Variants in ZNF445 observed in about 807,000 individuals in gnomAD.
ZNF445 encodes zinc finger protein 168.
A neutral mutation model predicts 93.9 loss-of-function variants in ZNF445; 19 were observed. That is an observed-to-expected ratio of 0.20 (90% CI 0.14 to 0.30). The LOEUF is 0.30. ZNF445 is among the 10% of genes least tolerant of loss of function. ZNF445 has a pLI of 1.00. For synonymous variants in ZNF445, 449 were observed against 446.3 expected, an observed-to-expected ratio of 1.01 and a Z score of -0.08; for missense variants, 1,058 against 1,259.4, an observed-to-expected ratio of 0.84 and a Z score of 2.42.
chr3:44,453,016 C>A (rs980337460), intron 3 of ZNF445, among the ~76,000 whole-genome samples: 9 of 151,042 alleles, frequency 6.0e-5, no homozygotes, highest in Non-Finnish European at 1.2e-4. Flanking sequence ...TGGGTTCAAG[C>A]AATTCTCCTG....
In ZNF445 at chr3:44,446,532, G is replaced by C. The variant is rs755641982; in HGVS notation, c.*43C>G. The C allele has an allele frequency of 6.2e-7, 1 of 1,610,312 alleles. No homozygotes were observed. Among genetic ancestry groups the C allele is most frequent in the South Asian group, 1.1e-5 (1 of 90,658 alleles). On this transcript the variant is annotated 3_prime_UTR_variant, in exon 8 of 8. Transcript: ENST00000396077. The surrounding 1 kb of genome is among the most constrained non-coding windows in gnomAD (Gnocchi z 4.2). ...GCCTATAATTAAGGGTTCTCTAGCA[G>C]GGGACTGAGAACCCACCCCCACTGT...
In ZNF445 at chr3:44,455,340, T is replaced by C. The variant is rs1391786873; in HGVS notation, c.210A>G (p.Leu70=). ...QLRYHESSGP[L]ETLSRLRELC... The stretch of plus-strand genomic sequence containing the variant: ...GTTCCCGGAGCCGGCTCAGAGTTTC[T>C]AGGGGCCCTGAAGACTCATGGTAGC... The change falls in exon 3 of 8, where the codon CTA becomes CTG. Residue 70 remains leucine, a synonymous_variant. Transcript: ENST00000396077. The C allele has an allele frequency of 2.5e-6, 4 of 1,613,796 alleles. No individual in the cohort carries two copies. Among genetic ancestry groups the C allele is most frequent in the Non-Finnish European group, 1.7e-6 (2 of 1,179,864 alleles).
chr3:44,465,597 G>C (rs1198582937), intron 1 of ZNF445, among the ~76,000 whole-genome samples: 6 of 152,178 alleles, frequency 3.9e-5, no homozygotes, highest in Non-Finnish European at 1.5e-5. Context: ...CTACTGGATA[G>C]AGATATAAAC....
In ZNF445 at chr3:44,450,976, A is replaced by G. The variant is rs751017526; in HGVS notation, c.599-14T>C. The G allele has an allele frequency of 9.0e-6, 14 of 1,563,742 alleles. No individual in the cohort carries two copies. The South Asian group carries it at 1.2e-4, about 13-fold the overall frequency. ...CAGCAGGAGTATCTGAAGGAGAAAA[A>G]GCCATGAGAGAGCGGCTCAGCTCTG... is the stretch of plus-strand genomic sequence containing the variant. On this transcript the variant is annotated splice_polypyrimidine_tract_variant and intron_variant, in intron 4 of 7. Coordinates refer to ENST00000396077, the MANE Select transcript of ZNF445 (RefSeq NM_181489.6).
intron 2 of ZNF445, among the ~76,000 whole-genome samples, chr3:44,457,897 C>T (rs1698054445): frequency 6.6e-6 from 1 of 151,632 alleles, no homozygotes; most frequent in African/African-American, 2.4e-5. Flanking sequence ...CCTGTAATCC[C>T]AGCTACTCAG....
At position 44,450,901 on chromosome 3, in the gene ZNF445, T is replaced by C. The variant is rs893740456; in HGVS notation, c.660A>G (p.Val220=). ...GGGCTGTCAGGGACCTGGTTGGTGTTACCTGGTCTCCCGGGCACCCCTCTC... is the reference window on the plus strand; with the variant it reads ...GGGCTGTCAGGGACCTGGTTGGTGTCACCTGGTCTCCCGGGCACCCCTCTC... The part of the protein sequence containing the change: ...FPREGCPGDQ[V]TPTRSLTAQL... Residue 220 remains valine (V), a synonymous_variant, in exon 5 of 8, where the codon GTA becomes GTG. Coordinates refer to ENST00000396077, the MANE Select transcript of ZNF445 (RefSeq NM_181489.6). The C allele has an allele frequency of 2.5e-6, 4 of 1,596,608 alleles. No homozygotes were observed. The African/African-American group carries it at 4.0e-5, about 16-fold the overall frequency.
chr3:44,449,972 A>G, intron 6 of ZNF445: 1 of 301,526 alleles, frequency 3.3e-6, no homozygotes, highest in Non-Finnish European at 6.4e-6. Context: ...ACAGGGTCTC[A>G]CTCTGTTACC....
rs370207592 is a variant in ZNF445 at position 44,464,461 on chromosome 3, C to T, written c.-268-6097G>A. On this transcript the variant is annotated intron_variant, in intron 1 of 7. Coordinates refer to ENST00000396077, the MANE Select transcript of ZNF445 (RefSeq NM_181489.6). ...GCTCTGATTGGCTTAGGAAAGTAAA[C>T]GTTTAAATCAAATATTTTGTCAGAA... is the stretch of plus-strand genomic sequence containing the variant. Among the ~76,000 whole-genome samples, 61 of 152,244 alleles carry T rather than the reference C, an allele frequency of 4.0e-4. 1 individual carries two copies. The highest frequency in any genetic ancestry group is 1.2e-3 in the Admixed American group (18 of 15,294).
Position 44,447,993 on chromosome 3 carries a change from G to C in ZNF445, c.1678C>G (p.Arg560Gly). The C allele has an allele frequency of 6.2e-7, 1 of 1,611,634 alleles. No individual in the cohort carries two copies. The highest frequency in any genetic ancestry group is 1.1e-5 in the South Asian group (1 of 91,062). The change falls in exon 8 of 8, where the codon CGA (arginine) becomes GGA (glycine). Residue 560 changes from arginine to glycine, a missense_variant. Arg to Gly is a moderately radical substitution (Grantham distance 125). Coordinates refer to ENST00000396077, the MANE Select transcript of ZNF445 (RefSeq NM_181489.6). The surrounding 1 kb of genome is among the most constrained non-coding windows in gnomAD (Gnocchi z 4.7). ...AATTTCTTCTTAGCATGGGTTTCTCGGTGCAGACGGTAGGCTGACAGGCGT... is the reference window on the plus strand; with the variant it reads ...AATTTCTTCTTAGCATGGGTTTCTCCGTGCAGACGGTAGGCTGACAGGCGT... ...FRRLSAYRLH[R>G]ETHAKKKFLE...
chr3:44,473,585 T>C (rs1234141421), intron 1 of ZNF445, among the ~76,000 whole-genome samples: 1 of 151,776 alleles, frequency 6.6e-6, no homozygotes, highest in Admixed American at 6.6e-5. Context: ...TGCCCAAAAT[T>C]TGATTTCTAA....
At chr3:44,450,652 GCT>G in intron 5 of ZNF445, 79 bp from the exon 6 acceptor site, 1 of 1,557,694 alleles carries the variant, frequency 6.4e-7, no homozygotes, top group Non-Finnish European at 8.7e-7. Context: ...GAATAAACTG[GCT>G]CTGTGTGAGT....
At chr3:44,452,568 C>T (rs970134790) in intron 3 of ZNF445, among the ~76,000 whole-genome samples, 2 of 152,150 alleles carry the variant, frequency 1.3e-5, no homozygotes, top group African/African-American at 4.8e-5. Context: ...ACCAGGTAGG[C>T]CCTTTCTGCT....
At chr3:44,469,990 C>G (rs757162724) in intron 1 of ZNF445, among the ~76,000 whole-genome samples, 1 of 152,088 alleles carries the variant, frequency 6.6e-6, no homozygotes, top group Non-Finnish European at 1.5e-5. Flanking sequence ...TGCAGTAGCA[C>G]GATCACAGCT....
At chr3:44,450,705 C>G (rs1697945025) in intron 5 of ZNF445, 132 bp from the exon 6 acceptor site, 2 of 1,358,562 alleles carry the variant, frequency 1.5e-6, no homozygotes, top group South Asian at 2.9e-5. Flanking sequence ...AGACCATCAC[C>G]CAGCAGAAGA....
At position 44,455,346 on chromosome 3, in the gene ZNF445, C is replaced by A. The variant is rs1698013549; in HGVS notation, c.204G>T (p.Gly68=). 1 of 1,613,778 alleles carries A rather than the reference C, an allele frequency of 6.2e-7. No individual in the cohort carries two copies. The highest frequency in any genetic ancestry group is 1.3e-5 in the African/African-American group (1 of 74,908). The change falls in exon 3 of 8, where the codon GGG becomes GGT. Residue 68 remains glycine (G), a synonymous_variant. Transcript: ENST00000396077. ...GGAGCCGGCTCAGAGTTTCTAGGGG[C>A]CCTGAAGACTCATGGTAGCGAAGCT... ...FRQLRYHESS[G]PLETLSRLRE...
Position 44,455,356 on chromosome 3 carries a change from T to G in ZNF445, c.194A>C (p.Glu65Ala). 6.2e-7 allele frequency: 1 copy of G among 1,614,024 alleles called. No individual in the cohort carries two copies. The highest frequency in any genetic ancestry group is 2.2e-5 in the East Asian group (1 of 44,884). Reference sequence around the variant, plus strand: ...CAGAGTTTCTAGGGGCCCTGAAGACTCATGGTAGCGAAGCTGTCTGAAGAG... The same window carrying G: ...CAGAGTTTCTAGGGGCCCTGAAGACGCATGGTAGCGAAGCTGTCTGAAGAG... ...RQLFRQLRYH[E>A]SSGPLETLSR... The change falls in exon 3 of 8, where the codon GAG (glutamate) becomes GCG (alanine). Residue 65 changes from glutamate to alanine, a missense_variant. By Grantham distance (107) the Glu-to-Ala change is moderately radical. Around this residue, in one of 3 missense-constraint regions of ZNF445, gnomAD observed 657 missense variants for 746.4 expected, o/e 0.88. Transcript: ENST00000396077.
intron 1 of ZNF445, among the ~76,000 whole-genome samples, chr3:44,475,555 T>C (rs564468808): frequency 1.3e-4 from 20 of 152,302 alleles, no homozygotes; most frequent in African/African-American, 4.3e-4. Context: ...CATTTAATAC[T>C]GTCAATTTTT....
At chr3:44,461,213 T>A (rs955427929) in intron 1 of ZNF445, among the ~76,000 whole-genome samples, 2 of 151,848 alleles carry the variant, frequency 1.3e-5, no homozygotes, top group African/African-American at 4.8e-5. Context: ...CATTACGGGG[T>A]GTCTGTTTGT....
At chr3:44,449,134 G>A (rs1331269817) in intron 7 of ZNF445, among the ~76,000 whole-genome samples, 1 of 152,136 alleles carries the variant, frequency 6.6e-6, no homozygotes. Context: ...ACCAAGAAAA[G>A]AAAGAACAGG....
Sources: allele counts gnomAD v4.1 joint callset (sites outside exome capture counted in the v4.1 genomes callset), GRCh38; gene constraint gnomAD v4.1.1; regional missense constraint gnomAD v4.1.1; non-coding constraint Gnocchi (gnomAD v3.1); transcripts MANE v1.5; gene names NCBI Gene and HGNC (gene_info 2026-07-23, HGNC 2026-07-21).